Variants in PHACTR1 observed in about 807,000 individuals in gnomAD.
The protein encoded by PHACTR1 is RPEL repeat containing 1.
Under a neutral mutation model 69.2 loss-of-function variants are expected in PHACTR1, and 16 were observed. That is an observed-to-expected ratio of 0.23 (90% CI 0.16 to 0.35). PHACTR1 has a LOEUF of 0.35. PHACTR1 is among the 10% of genes least tolerant of loss of function. The pLI is 1.00. For synonymous variants in PHACTR1, 312 were observed against 284.5 expected (o/e 1.10, Z -0.97); for missense variants, 510 against 734.7 (o/e 0.69, Z 3.54).
In PHACTR1 at chr6:12,894,413, T is replaced by G. The variant is rs145095101; in HGVS notation, c.250+144623T>G. Among the ~76,000 whole-genome samples, 554 of 152,334 alleles carry G rather than the reference T, an allele frequency of 3.6e-3. 7 individuals carry two copies. Among genetic ancestry groups the G allele is most frequent in the African/African-American group, 0.013 (520 of 41,580 alleles). On this transcript the variant is annotated intron_variant, in intron 4 of 14. Transcript: ENST00000332995. ...TGAGGTCAGGAGTTCGAGACCAGCC[T>G]GGCCAACATGGCAATACCCCATCTC...
chr6:12,880,340 C>A (rs1424123746), intron 4 of PHACTR1, among the ~76,000 whole-genome samples: 2 of 151,460 alleles, frequency 1.3e-5, no homozygotes, highest in African/African-American at 4.9e-5. Flanking sequence ...GATCCTCCCA[C>A]TTCTAGCCTC....
chr6:13,159,133 C>G (rs1218679345), intron 5 of PHACTR1, among the ~76,000 whole-genome samples: 1 of 152,210 alleles, frequency 6.6e-6, no homozygotes, highest in Non-Finnish European at 1.5e-5. Flanking sequence ...AGCACACCCA[C>G]TGTTACCTCT....
intron 10 of PHACTR1, among the ~76,000 whole-genome samples, chr6:13,269,735 G>A (rs1391360175): frequency 6.6e-6 from 1 of 152,186 alleles, no homozygotes; most frequent in African/African-American, 2.4e-5. Context: ...TCAGGAGGCT[G>A]AGGCAGGAGA....
intron 4 of PHACTR1, among the ~76,000 whole-genome samples, chr6:12,759,330 C>A (rs925283788): frequency 6.6e-6 from 1 of 151,446 alleles, no homozygotes; most frequent in African/African-American, 2.4e-5. Flanking sequence ...ATTTTTGTTA[C>A]AAAAATGCGA....
intron 4 of PHACTR1, among the ~76,000 whole-genome samples, chr6:12,760,880 C>T (rs1767951399): frequency 6.6e-6 from 1 of 152,216 alleles, no homozygotes; most frequent in South Asian, 2.1e-4. Flanking sequence ...ATGAAGTGAG[C>T]TGAGATCGTG....
chr6:12,898,767 T>C (rs1784923123), intron 4 of PHACTR1, among the ~76,000 whole-genome samples: 1 of 152,220 alleles, frequency 6.6e-6, no homozygotes, highest in Non-Finnish European at 1.5e-5. Context: ...TCCCCATCGA[T>C]GTCAGAATGC....
chr6:13,235,481 C>T (rs1289129790), intron 10 of PHACTR1, among the ~76,000 whole-genome samples: 4 of 152,150 alleles, frequency 2.6e-5, no homozygotes, highest in African/African-American at 4.8e-5. Context: ...GTTAGGGTGC[C>T]CTGTCAGGGC....
intron 4 of PHACTR1, among the ~76,000 whole-genome samples, chr6:12,902,863 A>G (rs1208453235): frequency 1.3e-5 from 2 of 152,148 alleles, no homozygotes; most frequent in Non-Finnish European, 2.9e-5. Context: ...GTCCATCTCA[A>G]CAGGCCACTT....
At chr6:13,239,568 A>T (rs1248869731) in intron 10 of PHACTR1, among the ~76,000 whole-genome samples, 1 of 152,230 alleles carries the variant, frequency 6.6e-6, no homozygotes, top group Non-Finnish European at 1.5e-5. Flanking sequence ...AGAAGACTTG[A>T]GCAAGACGCA....
At chr6:13,080,741 G>A (rs1355294456) in intron 5 of PHACTR1, among the ~76,000 whole-genome samples, 1 of 151,882 alleles carries the variant, frequency 6.6e-6, no homozygotes, top group African/African-American at 2.4e-5. Flanking sequence ...ATCACAAGAA[G>A]GAAAATATAA....
intron 4 of PHACTR1, among the ~76,000 whole-genome samples, chr6:12,987,015 A>C (rs1192461538): frequency 6.6e-6 from 1 of 152,130 alleles, no homozygotes; most frequent in Non-Finnish European, 1.5e-5. Flanking sequence ...ATTTTTTACA[A>C]TAGGAATGTA....
In PHACTR1 at chr6:12,854,496, G is replaced by C. The variant is rs569624869; in HGVS notation, c.250+104706G>C. On this transcript the variant is annotated intron_variant, in intron 4 of 14. Transcript: ENST00000332995. The stretch of plus-strand genomic sequence containing the variant: ...TGTACCTAAGGAAATATCACCGTTA[G>C]ATGGATGAATTTTTGTCCAGGGACT... 2.6e-5 allele frequency among the ~76,000 whole-genome samples: 4 copies of C among 152,288 alleles called. No individual in the cohort carries two copies. In the South Asian group the frequency reaches 6.2e-4, roughly 24 times the overall value.
intron 5 of PHACTR1, among the ~76,000 whole-genome samples, chr6:13,149,178 G>T (rs148807220): frequency 6.6e-6 from 1 of 152,130 alleles, no homozygotes; most frequent in African/African-American, 2.4e-5. Context: ...CTGCAATCTG[G>T]TATTTAGATC....
Position 13,278,257 on chromosome 6 carries a change from A to T in PHACTR1, c.1448-11A>T. 6.4e-7 allele frequency: 1 copy of T among 1,571,518 alleles called. No homozygotes were observed. The highest frequency in any genetic ancestry group is 2.3e-5 in the East Asian group (1 of 42,600). ...ACTGAAATAAAAAAACATCTTAAATATTTTTTTTAGCTCGGAATGAACAAG... is the reference window on the plus strand; with the variant it reads ...ACTGAAATAAAAAAACATCTTAAATTTTTTTTTTAGCTCGGAATGAACAAG... On this transcript the variant is annotated splice_polypyrimidine_tract_variant and intron_variant, in intron 11 of 14. Coordinates refer to ENST00000332995, the MANE Select transcript of PHACTR1 (RefSeq NM_030948.6).
intron 8 of PHACTR1, among the ~76,000 whole-genome samples, chr6:13,216,274 A>G (rs1767660891): frequency 6.6e-6 from 1 of 152,234 alleles, no homozygotes; most frequent in Non-Finnish European, 1.5e-5. Context: ...CTCAAGGGTC[A>G]CAGGAAATTC....
chr6:12,855,102 A>G (rs949524463), intron 4 of PHACTR1, among the ~76,000 whole-genome samples: 2 of 152,232 alleles, frequency 1.3e-5, no homozygotes, highest in African/African-American at 4.8e-5. Context: ...TTATCATAAC[A>G]TTACTCACAA....
Position 13,057,416 on chromosome 6 carries a change from A to G in PHACTR1, c.415+3887A>G, listed in dbSNP as rs1417086037. Among the ~76,000 whole-genome samples the G allele has an allele frequency of 2.6e-5, 4 of 152,210 alleles. No homozygotes were observed. The East Asian group carries it at 7.7e-4, about 29-fold the overall frequency. ...CATTTTAAAAAGAAAGAATAAGTCC[A>G]TATATTCATATTATTTATTTGTATT... On this transcript the variant is annotated intron_variant, in intron 5 of 14. Coordinates refer to ENST00000332995, the MANE Select transcript of PHACTR1 (RefSeq NM_030948.6).
chr6:13,025,703 G>GTGTGTC (rs1801599894), intron 4 of PHACTR1, among the ~76,000 whole-genome samples: 2 of 151,752 alleles, frequency 1.3e-5, no homozygotes, highest in Non-Finnish European at 2.9e-5. Context: ...GTGTGTGTGT[G>GTGTGTC]TGTGTGTCTG....
At chr6:13,024,637 C>T (rs1189159424) in intron 4 of PHACTR1, among the ~76,000 whole-genome samples, 1 of 152,174 alleles carries the variant, frequency 6.6e-6, no homozygotes, top group Non-Finnish European at 1.5e-5. Flanking sequence ...TTAATGTGCT[C>T]ATATCCAGAA....
Sources: allele counts gnomAD v4.1 joint callset (sites outside exome capture counted in the v4.1 genomes callset), GRCh38; gene constraint gnomAD v4.1.1; transcripts MANE v1.5; gene names NCBI Gene and HGNC (gene_info 2026-07-23, HGNC 2026-07-21).